SLC60A2: variants seen among roughly 807,000 people sequenced by gnomAD.
The protein encoded by SLC60A2 is solute carrier family 60 member 2.
the SLC60A2 span, chr6:111,262,170 T>C: frequency 1.0e-4 from 95 of 939,252 alleles, no homozygotes; most frequent in Middle Eastern, 5.3e-4. Flanking sequence ...TCCGCCCCCC[T>C]TTTTTTTTAT....
the SLC60A2 span, chr6:111,267,032 A>C: frequency 2.5e-6 from 4 of 1,613,982 alleles, no homozygotes; most frequent in Admixed American, 3.3e-5. Context: ...CATCAAATGC[A>C]CTGGTGTTTG....
the SLC60A2 span, chr6:111,267,203 C>G: frequency 7.4e-7 from 1 of 1,355,074 alleles, no homozygotes; most frequent in African/African-American, 1.5e-5. Flanking sequence ...CAGAATTTCA[C>G]CATGCTTTGG....
At chr6:111,262,281 C>T in the SLC60A2 span, 2 of 1,613,874 alleles carry the variant, frequency 1.2e-6, no homozygotes, top group Non-Finnish European at 8.5e-7. Context: ...TATAGTGGGA[C>T]CCACGTTTCA....
At chr6:111,267,627 C>T in the SLC60A2 span, 1 of 152,930 alleles carries the variant, frequency 6.5e-6, no homozygotes, top group East Asian at 1.9e-4. Context: ...CGAGACCATC[C>T]TGGCTAACAC....
the SLC60A2 span, among the ~76,000 whole-genome samples, chr6:111,273,227 T>G: frequency 1.3e-5 from 2 of 152,200 alleles, no homozygotes; most frequent in Non-Finnish European, 2.9e-5. Flanking sequence ...CATGGCTCAC[T>G]GCAGTCTCAA....
chr6:111,265,968 G>C, the SLC60A2 span: 1 of 1,614,058 alleles, frequency 6.2e-7, no homozygotes, highest in Non-Finnish European at 8.5e-7. Flanking sequence ...TGCCTTTTTG[G>C]CTCCACTGCT....
chr6:111,275,283 C>A, the SLC60A2 span, among the ~76,000 whole-genome samples: 1 of 151,928 alleles, frequency 6.6e-6, no homozygotes, highest in Non-Finnish European at 1.5e-5. Flanking sequence ...TTAATAGATT[C>A]TGTAAATTTA....
At chr6:111,271,349 CAATA>C in the SLC60A2 span, among the ~76,000 whole-genome samples, 1 of 151,084 alleles carries the variant, frequency 6.6e-6, no homozygotes. Context: ...ATTATAAAAA[CAATA>C]AAGACATAAA....
chr6:111,277,910 G>A, the SLC60A2 span: 2 of 152,130 alleles, frequency 1.3e-5, no homozygotes, highest in Non-Finnish European at 2.9e-5. Flanking sequence ...TATATTTATG[G>A]TCAAACTAGA....
the SLC60A2 span, chr6:111,259,536 G>T: frequency 3.4e-6 from 2 of 596,644 alleles, no homozygotes; most frequent in South Asian, 2.4e-5. Flanking sequence ...CGGAGCCGCC[G>T]AGCTGGAGTT....
At chr6:111,263,000 C>T in the SLC60A2 span, among the ~76,000 whole-genome samples, 4 of 151,976 alleles carry the variant, frequency 2.6e-5, no homozygotes, top group African/African-American at 4.8e-5. Flanking sequence ...TGCAGTGATG[C>T]GATCTCTGCT....
At chr6:111,265,172 C>T in the SLC60A2 span, 10 of 548,678 alleles carry the variant, frequency 1.8e-5, no homozygotes, top group African/African-American at 4.1e-5. Flanking sequence ...TTTGCTGTTA[C>T]GTGATCTGTT....
the SLC60A2 span, among the ~76,000 whole-genome samples, chr6:111,275,541 C>T: frequency 1.3e-5 from 2 of 151,796 alleles, no homozygotes; most frequent in African/African-American, 4.8e-5. Flanking sequence ...TCCCGAGTAG[C>T]TGGGATTACA....
At chr6:111,272,885 C>T in the SLC60A2 span, among the ~76,000 whole-genome samples, 526 of 150,808 alleles carry the variant, frequency 3.5e-3, 8 homozygotes, top group Non-Finnish European at 1.4e-3. Flanking sequence ...GGCTGGAGTG[C>T]AGTGGCACAA....
At chr6:111,262,544 G>A in the SLC60A2 span, 1 of 913,242 alleles carries the variant, frequency 1.1e-6, no homozygotes, top group South Asian at 1.6e-5. Flanking sequence ...TAGTGTTTAG[G>A]TGTCCTCAAT....
chr6:111,261,161 A>G, the SLC60A2 span, among the ~76,000 whole-genome samples: 1 of 152,238 alleles, frequency 6.6e-6, no homozygotes, highest in Non-Finnish European at 1.5e-5. Context: ...ACCTTTACTG[A>G]CTAATTCTGA....
the SLC60A2 span, among the ~76,000 whole-genome samples, chr6:111,279,205 AGATT>A: frequency 1.3e-5 from 2 of 151,962 alleles, no homozygotes; most frequent in Admixed American, 1.3e-4. Context: ...GCTTACTTAC[AGATT>A]GATTAAGTTA....
the SLC60A2 span, chr6:111,259,768 G>A: frequency 6.5e-7 from 1 of 1,543,314 alleles, no homozygotes; most frequent in Non-Finnish European, 8.7e-7. Context: ...CGGGGCGTTC[G>A]AGTCTTGCCT....
chr6:111,259,834 T>G, the SLC60A2 span: 1 of 949,710 alleles, frequency 1.1e-6, no homozygotes, highest in Non-Finnish European at 1.5e-6. Context: ...GGCCTCAGTT[T>G]CATCATCTAG....
Sources: gnomAD v4.1 joint callset for allele counts (sites outside exome capture counted in the v4.1 genomes callset) on GRCh38, gnomAD v4.1.1 for gene constraint, MANE v1.5 for transcripts, NCBI Gene and HGNC (gene_info 2026-07-23, HGNC 2026-07-21) for gene names.